The following UNC79 variants were observed in gnomAD, a reference collection of about 807,000 sequenced individuals.
The protein encoded by UNC79 is protein unc-79 homolog.
A neutral mutation model predicts 283.1 loss-of-function variants in UNC79; 37 were observed. The observed-to-expected ratio is 0.13, with a 90% CI of 0.10 to 0.17. UNC79 has a LOEUF of 0.17. UNC79 is among the 10% of genes least tolerant of loss of function. The pLI is 1.00. For missense variants in UNC79, 2,272 were observed against 3,211.1 expected (o/e 0.71, Z 7.07); for synonymous variants, 1,107 against 1,200.2 (o/e 0.92, Z 1.61).
At chr14:93,456,092 CTAAGAAACCCCAG>C (rs2056790329) in intron 1 of UNC79, among the ~76,000 whole-genome samples, 1 of 151,990 alleles carries the variant, frequency 6.6e-6, no homozygotes. Flanking sequence ...GAAATGGAAA[CTAAGAAACCCCAG>C]GGCCCATATT....
chr14:93,452,074 A>G (rs1020980541), intron 1 of UNC79, among the ~76,000 whole-genome samples: 4 of 152,060 alleles, frequency 2.6e-5, no homozygotes, highest in Non-Finnish European at 5.9e-5. Flanking sequence ...GCATCTTCTC[A>G]TCCTTCATGT....
intron 1 of UNC79, among the ~76,000 whole-genome samples, chr14:93,422,598 TG>T (rs934004939): frequency 2.0e-5 from 3 of 151,964 alleles, no homozygotes; most frequent in African/African-American, 2.4e-5. Context: ...TTCAGATGGT[TG>T]GGGGGGCCTT....
intron 40 of UNC79, among the ~76,000 whole-genome samples, chr14:93,665,961 CATTGATA>C (rs1021978500): frequency 7.9e-5 from 12 of 151,892 alleles, no homozygotes; most frequent in Admixed American, 3.3e-4. Context: ...TCTAAGTGAC[CATTGATA>C]ATACAAAGCA....
Position 93,635,966 on chromosome 14 carries a change from G to C in UNC79, c.5717-1250G>C, listed in dbSNP as rs539139737. On this transcript the variant is annotated intron_variant, in intron 31 of 48. Transcript: ENST00000555664. Reference sequence around the variant, plus strand: ...GAGAATGGCAGCTTTTGTTTGATTAGGTCTCTGATAATTAAATGCTGATGT... The same window carrying C: ...GAGAATGGCAGCTTTTGTTTGATTACGTCTCTGATAATTAAATGCTGATGT... Among the ~76,000 whole-genome samples, 237 of 152,274 alleles carry C rather than the reference G, an allele frequency of 1.6e-3. 2 individuals carry two copies. Among genetic ancestry groups the C allele is most frequent in the South Asian group, 4.8e-3 (23 of 4,820 alleles).
upstream of UNC79, among the ~76,000 whole-genome samples, chr14:93,428,601 G>C (rs1234503831): frequency 1.3e-5 from 2 of 152,166 alleles, no homozygotes; most frequent in Non-Finnish European, 2.9e-5. Context: ...TTGATGATTA[G>C]AGTCTCAATT....
chr14:93,479,815 G>A (rs988493768), intron 4 of UNC79, among the ~76,000 whole-genome samples: 1 of 152,084 alleles, frequency 6.6e-6, no homozygotes, highest in Non-Finnish European at 1.5e-5. Context: ...AAATTTTTTT[G>A]TAGAGATGGG....
chr14:93,610,992 G>C (rs142852934), intron 26 of UNC79, among the ~76,000 whole-genome samples: 33 of 152,248 alleles, frequency 2.2e-4, no homozygotes, highest in African/African-American at 7.5e-4. Flanking sequence ...CATAGGTATT[G>C]TATTTGGTCA....
At chr14:93,476,639 A>G (rs557946577) in intron 3 of UNC79, among the ~76,000 whole-genome samples, 4 of 152,342 alleles carry the variant, frequency 2.6e-5, no homozygotes, top group African/African-American at 9.6e-5. Flanking sequence ...AGAAGAGTCT[A>G]GTACTTTTCT....
chr14:93,481,830 T>G (rs2058162002), intron 4 of UNC79, among the ~76,000 whole-genome samples: 2 of 152,234 alleles, frequency 1.3e-5, no homozygotes, highest in South Asian at 4.1e-4. Flanking sequence ...AGCTACTGGT[T>G]GTTTTTCTAA....
At chr14:93,402,030 C>A (rs774543313) in intron 1 of UNC79, among the ~76,000 whole-genome samples, 1 of 152,084 alleles carries the variant, frequency 6.6e-6, no homozygotes, top group Non-Finnish European at 1.5e-5. Flanking sequence ...GTAATCCCAG[C>A]ACTTTGGGAG....
At chr14:93,560,932 C>T (rs550625237) in intron 14 of UNC79, among the ~76,000 whole-genome samples, 30 of 152,118 alleles carry the variant, frequency 2.0e-4, no homozygotes, top group South Asian at 8.3e-4. Flanking sequence ...TATGAGAAAA[C>T]GTTGAGTGCC....
intron 2 of UNC79, among the ~76,000 whole-genome samples, chr14:93,472,398 AT>A (rs2057556564): frequency 6.6e-6 from 1 of 152,148 alleles, no homozygotes; most frequent in African/African-American, 2.4e-5. Context: ...TATTGATATT[AT>A]CCCATTGTAA....
At chr14:93,632,584 A>C (rs2068121044) in intron 31 of UNC79, among the ~76,000 whole-genome samples, 1 of 152,058 alleles carries the variant, frequency 6.6e-6, no homozygotes, top group African/African-American at 2.4e-5. Context: ...CCATAGTCCC[A>C]GCTACTGGGG....
At chr14:93,381,749 G>A (rs950948781) in intron 1 of UNC79, among the ~76,000 whole-genome samples, 3 of 152,300 alleles carry the variant, frequency 2.0e-5, no homozygotes, top group African/African-American at 4.8e-5. Flanking sequence ...GGGAACTGCT[G>A]GTGTATGAAC....
At chr14:93,505,798 G>A (rs552184102) in intron 7 of UNC79, among the ~76,000 whole-genome samples, 8 of 150,456 alleles carry the variant, frequency 5.3e-5, no homozygotes, top group African/African-American at 1.9e-4. Flanking sequence ...GGCTTTGTAA[G>A]TTATTTAGTC....
At chr14:93,476,217 G>A (rs769042531) in intron 3 of UNC79, among the ~76,000 whole-genome samples, 12 of 152,262 alleles carry the variant, frequency 7.9e-5, no homozygotes, top group Admixed American at 2.0e-4. Context: ...TTGCTGCTGG[G>A]TCTGGGTGGA....
At chr14:93,489,158 CAA>C (rs1005257838) in intron 5 of UNC79, among the ~76,000 whole-genome samples, 4 of 152,154 alleles carry the variant, frequency 2.6e-5, no homozygotes, top group African/African-American at 9.7e-5. Context: ...AGACTGGCCT[CAA>C]ACTCCAGACC....
At chr14:93,390,492 G>T (rs954349578) in intron 1 of UNC79, among the ~76,000 whole-genome samples, 2 of 152,108 alleles carry the variant, frequency 1.3e-5, no homozygotes, top group South Asian at 2.1e-4. Context: ...AGAAATAAGA[G>T]AAATACAAAT....
intron 1 of UNC79, among the ~76,000 whole-genome samples, chr14:93,449,691 A>AT (rs981139086): frequency 6.6e-6 from 1 of 152,014 alleles, no homozygotes; most frequent in African/African-American, 2.4e-5. Flanking sequence ...CAATATGCAT[A>AT]TTGTGTTTTT....
Sources: allele counts gnomAD v4.1 joint callset (sites outside exome capture counted in the v4.1 genomes callset), GRCh38; gene constraint gnomAD v4.1.1; transcripts MANE v1.5; gene names NCBI Gene and HGNC (gene_info 2026-07-23, HGNC 2026-07-21).